The following TENM2 variants were observed in gnomAD, a reference collection of about 807,000 sequenced individuals.
TENM2 encodes the protein teneurin transmembrane protein 2.
A neutral mutation model predicts 245.2 loss-of-function variants in TENM2; 52 were observed. The observed-to-expected ratio is 0.21, with a 90% confidence interval of 0.17 to 0.27. TENM2 has a LOEUF of 0.27. TENM2 is among the 10% of genes least tolerant of loss of function. The probability of loss-of-function intolerance (pLI) is 1.00; values close to 1 mark genes in which losing one functional copy is unlikely to be tolerated. For synonymous variants in TENM2, 1,363 were observed against 1,438.9 expected (o/e 0.95, Z 1.19); for missense variants, 3,046 against 3,666.8 (o/e 0.83, Z 4.37).
intron 2 of TENM2, among the ~76,000 whole-genome samples, chr5:167,740,530 A>G (rs1040954190): frequency 2.6e-5 from 4 of 152,160 alleles, no homozygotes; most frequent in African/African-American, 9.7e-5. Flanking sequence ...TGCTATTTCC[A>G]GTGGCTTTAT....
At chr5:167,594,359 T>C (rs1278518455) in intron 2 of TENM2, among the ~76,000 whole-genome samples, 1 of 152,188 alleles carries the variant, frequency 6.6e-6, no homozygotes, top group Non-Finnish European at 1.5e-5. Context: ...ATTTTAATCT[T>C]TAAAACATAT....
intron 2 of TENM2, among the ~76,000 whole-genome samples, chr5:167,867,825 C>A (rs988600807): frequency 6.6e-6 from 1 of 152,150 alleles, no homozygotes; most frequent in Non-Finnish European, 1.5e-5. Context: ...AAACAGATCT[C>A]TCTCGCCTCT....
At chr5:167,366,868 A>G (rs1760087965) in intron 1 of TENM2, among the ~76,000 whole-genome samples, 1 of 152,172 alleles carries the variant, frequency 6.6e-6, no homozygotes, top group Non-Finnish European at 1.5e-5. Context: ...ATGCTCTCAC[A>G]TAGGATAACT....
At chr5:167,186,653 G>A in the TENM2 span, among the ~76,000 whole-genome samples, 1 of 152,190 alleles carries the variant, frequency 6.6e-6, no homozygotes, top group Non-Finnish European at 1.5e-5. Flanking sequence ...TTCCTGGACT[G>A]ATGAGCTGAA....
chr5:167,603,593 A>G (rs1420272561), intron 2 of TENM2, among the ~76,000 whole-genome samples: 1 of 152,146 alleles, frequency 6.6e-6, no homozygotes, highest in Non-Finnish European at 1.5e-5. Context: ...GGGTGGGAGG[A>G]TTGCTTGAAC....
At position 167,855,476 on chromosome 5, in the gene TENM2, T is replaced by A. The variant is rs573842778; in HGVS notation, c.503-20510T>A. ...TGTCTGTAAATATATTTATTTATGT[T>A]TAATTTGCTGTTGTTTTTGCCGTTA... On this transcript the variant is annotated intron_variant, in intron 2 of 28. Coordinates refer to ENST00000518659, the Ensembl canonical transcript of TENM2. Among the ~76,000 whole-genome samples the A allele has an allele frequency of 3.3e-5, 5 of 152,184 alleles. 1 individual carries two copies. In the South Asian group the frequency reaches 1.0e-3, roughly 32 times the overall value.
intron 1 of TENM2, chr5:167,306,644 A>C (rs1755696268): frequency 1.3e-5 from 2 of 152,178 alleles, no homozygotes; most frequent in South Asian, 4.1e-4. Flanking sequence ...AAAACAAAAC[A>C]GTGGATAAGG....
chr5:167,571,128 G>A (rs1439337610), intron 2 of TENM2, among the ~76,000 whole-genome samples: 2 of 152,188 alleles, frequency 1.3e-5, no homozygotes, highest in East Asian at 1.9e-4. Flanking sequence ...AAAAGCTGTT[G>A]AGTGGGTTTC....
chr5:167,691,171 G>T (rs181121507), intron 2 of TENM2, among the ~76,000 whole-genome samples: 46 of 152,152 alleles, frequency 3.0e-4, no homozygotes, highest in African/African-American at 8.9e-4. Flanking sequence ...TCAGACACTG[G>T]AAAAACATGA....
chr5:167,310,803 G>GA (rs1755988711), intron 1 of TENM2, among the ~76,000 whole-genome samples: 1 of 152,106 alleles, frequency 6.6e-6, no homozygotes, highest in Non-Finnish European at 1.5e-5. Context: ...TGGAATGTGT[G>GA]AAAATGAATC....
chr5:167,866,717 A>G (rs925310370), intron 2 of TENM2, among the ~76,000 whole-genome samples: 1 of 152,160 alleles, frequency 6.6e-6, no homozygotes, highest in Non-Finnish European at 1.5e-5. Context: ...ACATGACCTG[A>G]GCAAATGTGT....
the TENM2 span, among the ~76,000 whole-genome samples, chr5:167,041,884 A>G: frequency 1.3e-5 from 2 of 152,158 alleles, no homozygotes; most frequent in African/African-American, 4.8e-5. Context: ...GTCTGAGCCC[A>G]AAAGGATGAC....
At chr5:168,011,689 A>T (rs1371406327) in intron 5 of TENM2, among the ~76,000 whole-genome samples, 1 of 152,160 alleles carries the variant, frequency 6.6e-6, no homozygotes, top group South Asian at 2.1e-4. Flanking sequence ...AAGCTGTGGC[A>T]TTAAGTTCCA....
At chr5:168,102,173 A>G (rs1322512610) in intron 9 of TENM2, among the ~76,000 whole-genome samples, 1 of 152,110 alleles carries the variant, frequency 6.6e-6, no homozygotes, top group Non-Finnish European at 1.5e-5. Flanking sequence ...TCCTGGGTTC[A>G]AGTGATTCAC....
intron 1 of TENM2, among the ~76,000 whole-genome samples, chr5:167,355,318 C>T (rs1759238296): frequency 1.3e-5 from 2 of 152,124 alleles, no homozygotes; most frequent in African/African-American, 4.8e-5. Context: ...GGGTGTGTTT[C>T]TGATAATGCT....
At chr5:168,102,669 C>G (rs898161339) in intron 9 of TENM2, among the ~76,000 whole-genome samples, 3 of 152,130 alleles carry the variant, frequency 2.0e-5, no homozygotes, top group Non-Finnish European at 4.4e-5. Context: ...AAATGAGAAA[C>G]AAGTAAACAC....
chr5:168,235,701 G>T (rs112308487), intron 25 of TENM2, among the ~76,000 whole-genome samples: 1 of 152,046 alleles, frequency 6.6e-6, no homozygotes, highest in Non-Finnish European at 1.5e-5. Context: ...CAGCTACTTC[G>T]GAGGCTGAGG....
chr5:168,053,531 C>G (rs1285260479), intron 6 of TENM2, among the ~76,000 whole-genome samples: 1 of 152,116 alleles, frequency 6.6e-6, no homozygotes, highest in Non-Finnish European at 1.5e-5. Flanking sequence ...CAGATTCAAC[C>G]AACCTCAGAT....
At chr5:167,271,637 A>T in the TENM2 span, among the ~76,000 whole-genome samples, 4 of 152,170 alleles carry the variant, frequency 2.6e-5, no homozygotes, top group Admixed American at 2.0e-4. Flanking sequence ...TACGTAAAAA[A>T]TGTTTTTCAT....
Sources: gnomAD v4.1 joint callset for allele counts (sites outside exome capture counted in the v4.1 genomes callset) on GRCh38, gnomAD v4.1.1 for gene constraint, MANE v1.5 for transcripts, NCBI Gene and HGNC (gene_info 2026-07-23, HGNC 2026-07-21) for gene names.